CHODL: variants seen among roughly 807,000 people sequenced by gnomAD.
The protein encoded by CHODL is transmembrane protein MT75.
CHODL carries 29 observed loss-of-function variants against 34.5 expected under a neutral mutation model. The observed-to-expected ratio is 0.84, with a 90% CI of 0.63 to 1.15. CHODL has a LOEUF of 1.15. Among genes scored for constraint, CHODL ranks in the 50% most tolerant of loss-of-function variants. CHODL has a pLI of 0.00. For synonymous variants in CHODL, 125 were observed against 116.1 expected (o/e 1.08, Z -0.49); for missense variants, 332 against 332.5 (o/e 1.00, Z 0.01).
At chr21:18,073,682 A>G (rs926999785) in intron 2 of CHODL, among the ~76,000 whole-genome samples, 8 of 152,054 alleles carry the variant, frequency 5.3e-5, no homozygotes, top group Admixed American at 3.3e-4. Context: ...TTCTAAATCT[A>G]TCTTTCAGGA....
intron 2 of CHODL, among the ~76,000 whole-genome samples, chr21:18,178,426 G>A (rs2073341621): frequency 6.6e-6 from 1 of 152,044 alleles, no homozygotes; most frequent in African/African-American, 2.4e-5. Flanking sequence ...GAACAATGTG[G>A]TATTCATTGC....
rs1316769755 is a variant in CHODL at position 17,963,781 on chromosome 21, A to T, written c.-145+46381A>T. ...TATCTTTTTAAAGCTTCTCTCTATT[A>T]TCTAGCTGAAGGCATGCCATGATTC... On this transcript the variant is annotated intron_variant, in intron 1 of 6. Transcript: ENST00000400127. Among the ~76,000 whole-genome samples the T allele has an allele frequency of 2.6e-5, 4 of 151,446 alleles. No individual in the cohort carries two copies. In the East Asian group the frequency reaches 7.8e-4, roughly 29 times the overall value.
chr21:17,926,375 G>GTTT (rs767844049), intron 1 of CHODL, among the ~76,000 whole-genome samples: 9 of 60,566 alleles, frequency 1.5e-4, no homozygotes, highest in African/African-American at 3.0e-4. Flanking sequence ...AAATAAGGTG[G>GTTT]GTTTTTTTTT....
intron 1 of CHODL, among the ~76,000 whole-genome samples, chr21:18,006,648 A>G (rs2063964155): frequency 6.6e-6 from 1 of 152,240 alleles, no homozygotes; most frequent in African/African-American, 2.4e-5. Context: ...AGTCAGAGCA[A>G]GTGGTATTTT....
At chr21:18,146,983 A>G (rs955704492) in intron 2 of CHODL, among the ~76,000 whole-genome samples, 8 of 152,184 alleles carry the variant, frequency 5.3e-5, no homozygotes, top group African/African-American at 1.9e-4. Context: ...ACTTTTTCCA[A>G]TTCTCTTTTA....
chr21:18,199,543 G>T (rs2073628088), intron 2 of CHODL, among the ~76,000 whole-genome samples: 1 of 151,994 alleles, frequency 6.6e-6, no homozygotes, highest in African/African-American at 2.4e-5. Flanking sequence ...TGTAGTTTTT[G>T]ATGAATGTAT....
At chr21:18,097,563 A>C (rs2065155037) in intron 2 of CHODL, among the ~76,000 whole-genome samples, 1 of 152,142 alleles carries the variant, frequency 6.6e-6, no homozygotes, top group Non-Finnish European at 1.5e-5. Context: ...GATGAAAGAA[A>C]TTGAAGAGAT....
At chr21:18,010,484 C>T (rs906671575) in intron 1 of CHODL, among the ~76,000 whole-genome samples, 1 of 152,196 alleles carries the variant, frequency 6.6e-6, no homozygotes, top group South Asian at 2.1e-4. Flanking sequence ...TTATCTGTGT[C>T]CCATGTTTAA....
chr21:18,234,267 G>A (rs777127882), intron 2 of CHODL, among the ~76,000 whole-genome samples: 2 of 152,116 alleles, frequency 1.3e-5, no homozygotes, highest in Admixed American at 6.6e-5. Flanking sequence ...CCTACAGAGC[G>A]TTACTTGCTG....
intron 2 of CHODL, among the ~76,000 whole-genome samples, chr21:18,157,255 A>C (rs894507516): frequency 6.6e-6 from 1 of 152,172 alleles, no homozygotes; most frequent in African/African-American, 2.4e-5. Context: ...ACAATCTGTC[A>C]TGATGTTTAT....
chr21:18,232,100 T>A (rs557001798), intron 2 of CHODL, among the ~76,000 whole-genome samples: 2 of 152,136 alleles, frequency 1.3e-5, no homozygotes, highest in African/African-American at 4.8e-5. Context: ...TACCATTAAT[T>A]CTTAACTTAG....
At position 18,009,692 on chromosome 21, in the gene CHODL, C is replaced by T. The variant is rs149673768; in HGVS notation, c.-144-18180C>T. On this transcript the variant is annotated intron_variant, in intron 1 of 6. Transcript: ENST00000400127. ...TCACAAGGTCAGGAAATCGAGAACACCCTGGCTAACATGGTGAAACCCCGT... is the reference window on the plus strand; with the variant it reads ...TCACAAGGTCAGGAAATCGAGAACATCCTGGCTAACATGGTGAAACCCCGT... Among the ~76,000 whole-genome samples the T allele has an allele frequency of 6.8e-3, 1,028 of 151,822 alleles. 5 individuals are homozygous for T. The highest frequency in any genetic ancestry group is 0.019 in the African/African-American group (772 of 41,370).
intron 1 of CHODL, among the ~76,000 whole-genome samples, chr21:17,929,268 T>C (rs114632833): frequency 0.01 from 1,593 of 152,330 alleles, 35 homozygotes; most frequent in African/African-American, 0.036. Context: ...TCACTAACAA[T>C]TCATCAATTC....
intron 1 of CHODL, among the ~76,000 whole-genome samples, chr21:17,930,615 T>C (rs1394299278): frequency 6.6e-6 from 1 of 152,220 alleles, no homozygotes; most frequent in Non-Finnish European, 1.5e-5. Context: ...TGTTTGCTGG[T>C]CCGGTCCTGG....
intron 2 of CHODL, among the ~76,000 whole-genome samples, chr21:18,051,453 A>G (rs915392333): frequency 1.3e-4 from 20 of 150,354 alleles, no homozygotes; most frequent in African/African-American, 3.7e-4. Context: ...TATATGTGAC[A>G]CATTCTGGGC....
intron 2 of CHODL, among the ~76,000 whole-genome samples, chr21:18,192,831 C>G (rs1186102347): frequency 2.6e-5 from 4 of 152,024 alleles, no homozygotes; most frequent in Non-Finnish European, 4.4e-5. Flanking sequence ...TTGGCTCAAG[C>G]TAGTTGTTAT....
chr21:18,114,768 T>G (rs1294110866), intron 2 of CHODL: 1 of 152,220 alleles, frequency 6.6e-6, no homozygotes, highest in Non-Finnish European at 1.5e-5. Context: ...ATTTCTTACC[T>G]TGGTATTGAA....
chr21:18,019,710 C>G lies in CHODL; in HGVS notation c.-144-8162C>G, dbSNP rs1191586182. ...TAGTGATGTATTAACTAATTTTTCT[C>G]TAGTAACAAACAATCTCTGACTTAC... On this transcript the variant is annotated intron_variant, in intron 1 of 6. Coordinates refer to the CHODL transcript ENST00000400127. Among the ~76,000 whole-genome samples the G allele has an allele frequency of 2.6e-5, 4 of 152,190 alleles. No individual in the cohort carries two copies. In the East Asian group the frequency reaches 7.7e-4, roughly 29 times the overall value.
chr21:17,980,436 A>G (rs2063704890), intron 1 of CHODL, among the ~76,000 whole-genome samples: 1 of 152,228 alleles, frequency 6.6e-6, no homozygotes, highest in Non-Finnish European at 1.5e-5. Flanking sequence ...TGCTGTGGTC[A>G]TTTGACTGGA....
Sources: gnomAD v4.1 joint callset for allele counts (sites outside exome capture counted in the v4.1 genomes callset) on GRCh38, gnomAD v4.1.1 for gene constraint, MANE v1.5 for transcripts, NCBI Gene and HGNC (gene_info 2026-07-23, HGNC 2026-07-21) for gene names.